Variants in DNHD1 observed in about 807,000 individuals in gnomAD.
The protein encoded by DNHD1 is dynein heavy chain domain 1.
DNHD1 carries 383 observed loss-of-function variants against 458.1 expected under a neutral mutation model. The ratio of observed to expected loss-of-function variants is 0.84; its 90% CI spans 0.77 to 0.91. The LOEUF (loss-of-function observed/expected upper bound fraction) is 0.91. Among genes scored for constraint, DNHD1 ranks in the 40% least tolerant of loss-of-function variants. DNHD1 has a pLI of 0.00. For missense variants in DNHD1, 5,336 were observed against 5,866.1 expected (o/e 0.91, Z 2.95); for synonymous variants, 2,203 against 2,376.9 (o/e 0.93, Z 2.13).
At chr11:6,568,903 C>T (rs1177731591) in intron 39 of DNHD1, 37 bp downstream of exon 39, 15 of 1,568,548 alleles carry the variant, frequency 9.6e-6, no homozygotes, top group East Asian at 4.7e-5. Flanking sequence ...CAGTCAATCA[C>T]TCAACAAACA....
chr11:6,564,152 C>T, intron 31 of DNHD1, 28 bp downstream of exon 31: 1 of 1,542,190 alleles, frequency 6.5e-7, no homozygotes, highest in Admixed American at 2.0e-5. Flanking sequence ...AGATGTCTCC[C>T]CCAAAGTTCC....
chr11:6,567,529 C>A lies in DNHD1; in HGVS notation c.12020C>A (p.Ala4007Glu), dbSNP rs756361024. The change falls in exon 36 of 43, where the codon GCA becomes GAA. Residue 4007 changes from alanine (A) to glutamate (E), a missense_variant. By Grantham distance (107) the Ala-to-Glu change is moderately radical. Transcript: ENST00000254579. ...TTTGTTGGCCTGTGTGCCTCCCTGG[C>A]AGGCCACTCCAGTGCTTGGCAGGCT... Reference protein sequence around the residue: ...PPFVGLCASLAGHSSAWQAYL... With the variant: ...PPFVGLCASLEGHSSAWQAYL... The A allele has an allele frequency of 2.5e-6, 4 of 1,613,276 alleles. No homozygotes were observed. Among genetic ancestry groups the A allele is most frequent in the Non-Finnish European group, 1.7e-6 (2 of 1,179,588 alleles).
chr11:6,529,612 A>G (rs1852785531), intron 12 of DNHD1, among the ~76,000 whole-genome samples: 1 of 152,184 alleles, frequency 6.6e-6, no homozygotes, highest in Non-Finnish European at 1.5e-5. Context: ...TATTTGGGAT[A>G]TCTGGGCAAT....
At chr11:6,539,577 G>GC (rs1564813511) in intron 17 of DNHD1, among the ~76,000 whole-genome samples, 1 of 152,176 alleles carries the variant, frequency 6.6e-6, no homozygotes, top group African/African-American at 2.4e-5. Flanking sequence ...AATGGCAGGT[G>GC]CCCCCCAACA....
At chr11:6,544,294 A>T in intron 19 of DNHD1, 48 bp downstream of exon 19, 4 of 1,549,650 alleles carry the variant, frequency 2.6e-6, no homozygotes, top group Non-Finnish European at 3.5e-6. Context: ...CTGAGGCAGG[A>T]TGTCCCAGAG....
intron 14 of DNHD1, among the ~76,000 whole-genome samples, chr11:6,537,894 G>A (rs1470081595): frequency 6.6e-6 from 1 of 152,032 alleles, no homozygotes; most frequent in Non-Finnish European, 1.5e-5. Flanking sequence ...TCACGCCACT[G>A]CACACCAGCC....
Position 6,546,191 on chromosome 11 carries a change from C to T in DNHD1, c.5252C>T (p.Ala1751Val). Residue 1751 changes from alanine (A) to valine (V), a missense_variant, in exon 21 of 43, where the codon GCC (alanine) becomes GTC (valine). This residue lies in a region of DNHD1 where 3,932 missense variants were observed against 4,365.6 expected (regional missense o/e 0.90). Transcript: ENST00000254579. ...CAGCTGCCCCCTGGCTTGCTCTCTG[C>T]CCTGGGCCAGCGCCTGGGTGAACTG... ...VHQLPPGLLS[A>V]LGQRLGELHH... The T allele has an allele frequency of 6.4e-7, 1 of 1,551,038 alleles. No homozygotes were observed. Among genetic ancestry groups the T allele is most frequent in the Non-Finnish European group, 8.7e-7 (1 of 1,146,488 alleles).
At chr11:6,525,753 T>C (rs1852698397) in intron 10 of DNHD1, among the ~76,000 whole-genome samples, 1 of 152,228 alleles carries the variant, frequency 6.6e-6, no homozygotes, top group African/African-American at 2.4e-5. Context: ...CCTTTGTGTA[T>C]CTTAAATATG....
intron 12 of DNHD1, among the ~76,000 whole-genome samples, chr11:6,532,451 G>A (rs533312117): frequency 6.6e-6 from 1 of 152,184 alleles, no homozygotes; most frequent in South Asian, 2.1e-4. Context: ...AAAACAAAAG[G>A]CAGATCATAC....
intron 17 of DNHD1, 116 bp from the exon 18 acceptor site, chr11:6,539,760 A>C (rs1853052731): frequency 1.1e-6 from 1 of 934,388 alleles, no homozygotes; most frequent in East Asian, 2.6e-5. Flanking sequence ...TGAGACCTCC[A>C]CTTTCCTGAG....
rs1344223489 is a variant in DNHD1, at chr11:6,566,222, C to T, written c.11054-19C>T. On this transcript the variant is annotated intron_variant, in intron 33 of 42. Coordinates refer to ENST00000254579, the MANE Select transcript of DNHD1 (RefSeq NM_144666.3). ...GGTGCTGGCATTGTGGGTAGGGTGCCTTTGCCTCCCTCTCACAGGCCTGCC... is the reference window on the plus strand; with the variant it reads ...GGTGCTGGCATTGTGGGTAGGGTGCTTTTGCCTCCCTCTCACAGGCCTGCC... The T allele has an allele frequency of 1.3e-6, 2 of 1,549,666 alleles. No individual in the cohort carries two copies. Among genetic ancestry groups the T allele is most frequent in the African/African-American group, 2.7e-5 (2 of 73,022 alleles).
chr11:6,529,219 G>A, intron 12 of DNHD1, 98 bp downstream of exon 12: 4 of 1,350,174 alleles, frequency 3.0e-6, no homozygotes, highest in Non-Finnish European at 3.0e-6. Flanking sequence ...GACCTTCGGT[G>A]CAGGCCTCTT....
At chr11:6,531,038 C>A (rs976378877) in intron 12 of DNHD1, among the ~76,000 whole-genome samples, 3 of 152,174 alleles carry the variant, frequency 2.0e-5, no homozygotes, top group Non-Finnish European at 4.4e-5. Context: ...CACAGTCACT[C>A]ACAGGGTTAT....
At chr11:6,499,060 G>A in intron 3 of DNHD1, 99 bp downstream of exon 3, 1 of 1,363,966 alleles carries the variant, frequency 7.3e-7, no homozygotes, top group Non-Finnish European at 9.8e-7. Context: ...CCAGCTCTCT[G>A]TTTATCACAG....
In DNHD1 at chr11:6,571,272, G is replaced by A. The variant is rs569236698; in HGVS notation, c.13760G>A (p.Arg4587His). Residue 4587 changes from arginine (R) to histidine (H), a missense_variant, in exon 42 of 43, where the codon CGC (arginine) becomes CAC (histidine). Physicochemically the swap from Arg to His is conservative, Grantham distance 29. Coordinates refer to ENST00000254579, the MANE Select transcript of DNHD1 (RefSeq NM_144666.3). This position sits in a 1 kb window ranked among gnomAD's most constrained non-coding sequence, Gnocchi z 5.0. ...PERVFHLSAF[R>H]HPRRLLLALR... ...CGCGTCTTCCACCTGTCAGCCTTTC[G>A]CCACCCGCGCCGCCTGCTGCTGGCA... The A allele has an allele frequency of 1.4e-5, 23 of 1,612,058 alleles. No individual in the cohort carries two copies. Among genetic ancestry groups the A allele is most frequent in the Non-Finnish European group, 1.9e-5 (22 of 1,179,562 alleles).
Position 6,519,983 on chromosome 11 carries a change from T to C in DNHD1, c.1666T>C (p.Phe556Leu). The C allele has an allele frequency of 1.9e-6, 3 of 1,614,176 alleles. No individual in the cohort carries two copies. The highest frequency in any genetic ancestry group is 2.5e-6 in the Non-Finnish European group (3 of 1,180,028). Residue 556 changes from phenylalanine (F) to leucine (L), a missense_variant, in exon 9 of 43, where the codon TTT (phenylalanine) becomes CTT (leucine). Phe to Leu is a conservative substitution (Grantham distance 22). This residue lies in a region of DNHD1 where 3,932 missense variants were observed against 4,365.6 expected (regional missense o/e 0.90). Transcript: ENST00000254579. ...NILQAPRQKP[F>L]LSSQLVFDDH... ...TTTACAGGCCCCAAGGCAGAAACCC[T>C]TTCTCTCATCACAGCTGGTCTTTGA... is the stretch of plus-strand genomic sequence containing the variant.
rs564897602 is a variant in DNHD1, at chr11:6,546,436, C to T, written c.5497C>T (p.Arg1833Trp). 37 of 1,551,320 alleles carry T rather than the reference C, an allele frequency of 2.4e-5. No individual in the cohort carries two copies. The highest frequency in any genetic ancestry group is 1.8e-4 in the Admixed American group (9 of 50,980). ...TGTGGCATTGGCATTGCCTGATCTG[C>T]GGCAAGTGGCAGAGCTGACTCTGCT... is the stretch of plus-strand genomic sequence containing the variant. ...RPVALALPDL[R>W]QVAELTLLGA... The change falls in exon 21 of 43, where the codon CGG (arginine) becomes TGG (tryptophan). Residue 1833 changes from arginine (R) to tryptophan (W), a missense_variant. Arg to Trp is a moderately radical substitution (Grantham distance 101). Transcript: ENST00000254579.
intron 37 of DNHD1, 50 bp from the exon 38 acceptor site, chr11:6,568,404 T>C (rs1853758503): frequency 6.2e-7 from 1 of 1,606,142 alleles, no homozygotes; most frequent in Non-Finnish European, 8.5e-7. Context: ...CCTAGACTTC[T>C]GCCTGACCCT....
chr11:6,527,828 C>T (rs566434666), intron 10 of DNHD1, among the ~76,000 whole-genome samples: 2 of 152,290 alleles, frequency 1.3e-5, no homozygotes, highest in South Asian at 4.1e-4. Flanking sequence ...GAAGTTTTAA[C>T]ACAAATACTA....
Sources: gnomAD v4.1 joint callset for allele counts (sites outside exome capture counted in the v4.1 genomes callset) on GRCh38, gnomAD v4.1.1 for gene constraint, gnomAD v4.1.1 regional missense constraint, Gnocchi (gnomAD v3.1) non-coding constraint, MANE v1.5 for transcripts, NCBI Gene and HGNC (gene_info 2026-07-23, HGNC 2026-07-21) for gene names.